Variants in SGK1 observed in about 807,000 individuals in gnomAD.
SGK1 encodes serine/threonine-protein kinase Sgk1.
SGK1 carries 26 observed loss-of-function variants against 64.2 expected under a neutral mutation model. The observed-to-expected ratio is 0.40, with a 90% CI of 0.30 to 0.56. SGK1 has a LOEUF of 0.56. Ranked by LOEUF, SGK1 falls within the 20% of genes least tolerant of loss-of-function variation. The probability of loss-of-function intolerance (pLI) is 0.38; values close to 1 mark genes in which losing one functional copy is unlikely to be tolerated. For synonymous variants in SGK1, 265 were observed against 239.7 expected (o/e 1.11, Z -0.98); for missense variants, 519 against 645.6 (o/e 0.80, Z 2.12).
chr6:134,188,908 CTTTT>C (rs34316759), intron 3 of SGK1, among the ~76,000 whole-genome samples: 5 of 110,206 alleles, frequency 4.5e-5, no homozygotes, highest in Admixed American at 9.6e-5. Context: ...ATTTCTTTTT[CTTTT>C]TTTTTTTTTT....
At chr6:134,183,848 A>ACCCCCCCCCC (rs1562243390) in intron 3 of SGK1, among the ~76,000 whole-genome samples, 14 of 80,126 alleles carry the variant, frequency 1.7e-4, no homozygotes, top group Admixed American at 3.8e-4. Flanking sequence ...ACCTGTCCCC[A>ACCCCCCCCCC]CCCCACCCCC....
chr6:134,174,952 C>T (rs1775175194), intron 3 of SGK1: 3 of 1,395,964 alleles, frequency 2.1e-6, no homozygotes, highest in South Asian at 2.9e-5. Flanking sequence ...CCGCCCTTCG[C>T]CTCGCCCCTC....
intron 3 of SGK1, among the ~76,000 whole-genome samples, chr6:134,203,036 G>A (rs748821384): frequency 2.0e-5 from 3 of 152,138 alleles, no homozygotes; most frequent in Non-Finnish European, 4.4e-5. Flanking sequence ...TTGAGGTCAA[G>A]AGATCGAGGC....
rs1480275168 is a variant in SGK1 at position 134,173,354 on chromosome 6, G to C, written c.622C>G (p.Leu208Val). Residue 208 changes from leucine to valine, a missense_variant, in exon 7 of 14, where the codon CTT (leucine) becomes GTT (valine). Leu to Val is a conservative substitution (Grantham distance 32). Coordinates refer to ENST00000367858, the MANE Select transcript of SGK1 (RefSeq NM_001143676.3). ...TCTTCTGCCTTGTGTCTTGCTAGAA[G>C]AACCTGAAATTTCAATTTAAAAAAA... Reference protein sequence around the residue: ...VIGKGSFGKVLLARHKAEEVF... With the variant: ...VIGKGSFGKVVLARHKAEEVF... The C allele has an allele frequency of 3.1e-6, 5 of 1,611,394 alleles. No individual in the cohort carries two copies. The African/African-American group carries it at 5.3e-5, about 17-fold the overall frequency.
chr6:134,207,242 A>G, intron 3 of SGK1, 114 bp downstream of exon 3: 1 of 737,552 alleles, frequency 1.4e-6, no homozygotes, highest in East Asian at 2.7e-5. Context: ...AACAAAAAAC[A>G]AAAAACAAAC....
intron 3 of SGK1, among the ~76,000 whole-genome samples, chr6:134,183,078 GA>G (rs1775356293): frequency 6.6e-6 from 1 of 152,162 alleles, no homozygotes; most frequent in Non-Finnish European, 1.5e-5. Flanking sequence ...TATCCTGCAG[GA>G]ATGAGAAGAG....
chr6:134,292,376 T>G (rs865935652), intron 1 of SGK1, among the ~76,000 whole-genome samples: 40 of 152,238 alleles, frequency 2.6e-4, no homozygotes, highest in African/African-American at 9.6e-4. Flanking sequence ...GTGGATCACC[T>G]GAAGTCAGGA....
At chr6:134,229,889 C>T in intron 2 of SGK1, among the ~76,000 whole-genome samples, 1 of 151,572 alleles carries the variant, frequency 6.6e-6, no homozygotes, top group Non-Finnish European at 1.5e-5. Context: ...AAAAAGAAAA[C>T]ATCTTGTTTA....
intron 1 of SGK1, among the ~76,000 whole-genome samples, chr6:134,293,376 T>C (rs1239851926): frequency 6.6e-6 from 1 of 152,176 alleles, no homozygotes; most frequent in Non-Finnish European, 1.5e-5. Flanking sequence ...GTTTATTTAT[T>C]TGCCAAACTA....
At chr6:134,191,295 C>T (rs1414820668) in intron 3 of SGK1, among the ~76,000 whole-genome samples, 1 of 152,146 alleles carries the variant, frequency 6.6e-6, no homozygotes, top group Non-Finnish European at 1.5e-5. Flanking sequence ...GCAAAAAAAT[C>T]TTAAGAAACA....
chr6:134,173,457 A>G lies in SGK1; in HGVS notation c.618+5T>C. ...GTACCAAAAGATCTTCAGATTTGAAATTACCTTTCCAAAACTGCCCTTTCC... is the reference window on the plus strand; with the variant it reads ...GTACCAAAAGATCTTCAGATTTGAAGTTACCTTTCCAAAACTGCCCTTTCC... On this transcript the variant is annotated splice_donor_5th_base_variant and intron_variant, in intron 6 of 13. Transcript: ENST00000367858. 6.2e-7 allele frequency: 1 copy of G among 1,607,506 alleles called. No homozygotes were observed. The highest frequency in any genetic ancestry group is 1.1e-5 in the South Asian group (1 of 90,184).
intron 1 of SGK1, among the ~76,000 whole-genome samples, chr6:134,308,681 T>C (rs1223939674): frequency 6.6e-6 from 1 of 151,974 alleles, no homozygotes; most frequent in African/African-American, 2.4e-5. Context: ...CTCAGCCTCC[T>C]GAGTAGCTGG....
chr6:134,251,977 G>A (rs559022970), intron 2 of SGK1, among the ~76,000 whole-genome samples: 1 of 152,198 alleles, frequency 6.6e-6, no homozygotes, highest in South Asian at 2.1e-4. Flanking sequence ...GGCTGGTCTT[G>A]AACTTCTGGG....
At chr6:134,205,948 T>C (rs1002380721) in intron 3 of SGK1, among the ~76,000 whole-genome samples, 10 of 152,194 alleles carry the variant, frequency 6.6e-5, no homozygotes, top group Non-Finnish European at 5.9e-5. Context: ...TTTGTGCAAT[T>C]AGGCCTCACG....
chr6:134,316,754 A>C (rs1439386662), intron 1 of SGK1, among the ~76,000 whole-genome samples: 14 of 149,348 alleles, frequency 9.4e-5, no homozygotes, highest in African/African-American at 3.2e-4. Context: ...AAAAAAAAAA[A>C]AAAAAAAAAA....
At position 134,169,267 on chromosome 6, in the gene SGK1, GT is replaced by G. The variant is rs1774928959; in HGVS notation, c.*1000del. 1 of 152,532 alleles carries G rather than the reference GT, an allele frequency of 6.6e-6. No individual in the cohort carries two copies. Among genetic ancestry groups the G allele is most frequent in the African/African-American group, 2.4e-5 (1 of 41,422 alleles). 9.4% of individuals were successfully genotyped at this position (152,532 alleles called of 1,614,324 possible). A position where few individuals can be genotyped will look rare whatever the true frequency, so the allele number is the denominator to read the frequency against. ...ACAATATATGTAAATATTTTTCAAG[GT>G]TTTATTGCAAACCAAAATCAGTTTA... On this transcript the variant is annotated 3_prime_UTR_variant, in exon 14 of 14. Coordinates refer to ENST00000367858, the MANE Select transcript of SGK1 (RefSeq NM_001143676.3).
intron 2 of SGK1, among the ~76,000 whole-genome samples, chr6:134,252,953 T>C (rs1776627466): frequency 6.6e-6 from 1 of 152,170 alleles, no homozygotes. Context: ...TATAAAGCCA[T>C]CTGGCTGATT....
chr6:134,291,861 G>A (rs760656180), intron 1 of SGK1, among the ~76,000 whole-genome samples: 25 of 152,118 alleles, frequency 1.6e-4, no homozygotes, highest in Admixed American at 8.5e-4. Context: ...AGGAGTTCGA[G>A]ACCAGCCTGA....
At chr6:134,283,622 AG>A (rs1442270547) in intron 1 of SGK1, among the ~76,000 whole-genome samples, 3 of 152,006 alleles carry the variant, frequency 2.0e-5, no homozygotes, top group African/African-American at 7.2e-5. Context: ...CCAAGGTGGG[AG>A]GATCATTTGA....
Sources: gnomAD v4.1 joint callset for allele counts (sites outside exome capture counted in the v4.1 genomes callset) on GRCh38, gnomAD v4.1.1 for gene constraint, MANE v1.5 for transcripts, NCBI Gene and HGNC (gene_info 2026-07-23, HGNC 2026-07-21) for gene names.